Variants in CACHD1 observed in about 807,000 individuals in gnomAD.
CACHD1 encodes cache domain containing 1.
CACHD1 carries 71 observed loss-of-function variants against 138.7 expected under a neutral mutation model. The observed-to-expected ratio is 0.51, with a 90% CI of 0.42 to 0.62. The LOEUF (loss-of-function observed/expected upper bound fraction) is 0.62. Among genes scored for constraint, CACHD1 ranks in the 20% least tolerant of loss-of-function variants. The pLI, the probability that CACHD1 is intolerant of heterozygous loss-of-function variation, is 0.00. For synonymous variants in CACHD1, 578 were observed against 591.5 expected (o/e 0.98, Z 0.33); for missense variants, 1,389 against 1,625.3 (o/e 0.85, Z 2.50).
chr1:64,661,497 T>G (rs982433681), intron 13 of CACHD1, among the ~76,000 whole-genome samples: 13 of 152,164 alleles, frequency 8.5e-5, no homozygotes, highest in Non-Finnish European at 1.8e-4. Context: ...CTTCTTCTCT[T>G]TACTCCAGCC....
Position 64,647,908 on chromosome 1 carries a change from A to G in CACHD1, c.1264A>G (p.Ser422Gly). ...GATGGCCTTGCCTGTGATTAAGGGC[A>G]GCATGATGGTGCTGAATCAGTTGAG... is the stretch of plus-strand genomic sequence containing the variant. ...DRMALPVIKG[S>G]MMVLNQLSNL... The change falls in exon 9 of 27, where the codon AGC becomes GGC. Residue 422 changes from serine to glycine, a missense_variant. This residue lies in a region of CACHD1 where 1,000 missense variants were observed against 1,114.7 expected (regional missense o/e 0.90). Transcript: ENST00000651257. The G allele has an allele frequency of 1.2e-6, 2 of 1,614,198 alleles. No individual in the cohort carries two copies. The highest frequency in any genetic ancestry group is 1.7e-6 in the Non-Finnish European group (2 of 1,180,006).
chr1:64,551,627 T>C (rs1646759741), intron 2 of CACHD1, among the ~76,000 whole-genome samples: 1 of 152,220 alleles, frequency 6.6e-6, no homozygotes, highest in African/African-American at 2.4e-5. Context: ...ATTATGTTCA[T>C]GGAGAACAGC....
intron 1 of CACHD1, among the ~76,000 whole-genome samples, chr1:64,544,578 G>A (rs1646703885): frequency 6.6e-6 from 1 of 151,878 alleles, no homozygotes; most frequent in African/African-American, 2.4e-5. Flanking sequence ...GGGGAAAGCA[G>A]GCTACCCATG....
chr1:64,668,289 T>C (rs975496193), intron 16 of CACHD1, among the ~76,000 whole-genome samples: 1 of 146,920 alleles, frequency 6.8e-6, no homozygotes, highest in African/African-American at 2.5e-5. Flanking sequence ...ATCGTACCAC[T>C]GCACTCCAGC....
At chr1:64,507,623 T>C (rs562232368) in intron 1 of CACHD1, among the ~76,000 whole-genome samples, 1 of 152,048 alleles carries the variant, frequency 6.6e-6, no homozygotes, top group South Asian at 2.1e-4. Flanking sequence ...GCCCAGGAGA[T>C]AGAGAATGTG....
chr1:64,665,286 C>T (rs1649592928), intron 15 of CACHD1, among the ~76,000 whole-genome samples: 1 of 151,250 alleles, frequency 6.6e-6, no homozygotes, highest in Non-Finnish European at 1.5e-5. Context: ...GAAACCCCAT[C>T]TCTACAAAAA....
chr1:64,583,421 G>A (rs1047026430), intron 3 of CACHD1, among the ~76,000 whole-genome samples: 1 of 152,194 alleles, frequency 6.6e-6, no homozygotes, highest in African/African-American at 2.4e-5. Flanking sequence ...GATATTTGGT[G>A]TCTTTGAGCA....
intron 2 of CACHD1, among the ~76,000 whole-genome samples, chr1:64,556,987 C>T (rs774005982): frequency 2.6e-5 from 4 of 152,102 alleles, no homozygotes; most frequent in South Asian, 2.1e-4. Context: ...GGCGTGGTGG[C>T]GGGCGCCTGT....
intron 22 of CACHD1, among the ~76,000 whole-genome samples, chr1:64,677,682 A>G (rs1650041776): frequency 6.6e-6 from 1 of 152,234 alleles, no homozygotes. Context: ...GACACTGCAT[A>G]TATTCTCTTG....
At chr1:64,624,084 C>T (rs1648013081) in intron 4 of CACHD1, among the ~76,000 whole-genome samples, 1 of 152,176 alleles carries the variant, frequency 6.6e-6, no homozygotes, top group South Asian at 2.1e-4. Context: ...AGAGGGGCCG[C>T]CTGGGATGCA....
At chr1:64,671,421 T>A in intron 16 of CACHD1, 143 bp from the exon 17 acceptor site, 1 of 831,042 alleles carries the variant, frequency 1.2e-6, no homozygotes, top group East Asian at 2.5e-5. Context: ...AGTCACTTAG[T>A]TGATCATTTT....
intron 3 of CACHD1, among the ~76,000 whole-genome samples, chr1:64,600,363 A>G (rs1647200640): frequency 6.6e-6 from 1 of 152,128 alleles, no homozygotes; most frequent in Admixed American, 6.6e-5. Flanking sequence ...CTCACCCCAG[A>G]CTCACTAAAT....
At chr1:64,605,535 G>A (rs1007289637) in intron 4 of CACHD1, among the ~76,000 whole-genome samples, 6 of 152,068 alleles carry the variant, frequency 3.9e-5, no homozygotes, top group Non-Finnish European at 7.4e-5. Flanking sequence ...CTTCCTTAAC[G>A]TATTTCTGAT....
chr1:64,659,016 G>A (rs11208491), intron 13 of CACHD1, 143 bp downstream of exon 13: 16 of 680,698 alleles, frequency 2.4e-5, no homozygotes, highest in Non-Finnish European at 3.4e-5. Context: ...ATATGAAAAC[G>A]ATTTGAAGCC....
intron 1 of CACHD1, among the ~76,000 whole-genome samples, chr1:64,479,198 A>G (rs1355712140): frequency 6.6e-6 from 1 of 152,202 alleles, no homozygotes; most frequent in Admixed American, 6.5e-5. Context: ...TTGCTTTGAG[A>G]TATGAGCTTG....
intron 4 of CACHD1, among the ~76,000 whole-genome samples, chr1:64,605,819 A>C (rs1234897850): frequency 1.3e-5 from 2 of 152,150 alleles, no homozygotes; most frequent in African/African-American, 2.4e-5. Flanking sequence ...CATTGTTGAG[A>C]TCTGGCTTCA....
intron 17 of CACHD1, among the ~76,000 whole-genome samples, chr1:64,672,309 A>C (rs1649842664): frequency 6.6e-6 from 1 of 152,232 alleles, no homozygotes; most frequent in Admixed American, 6.5e-5. Context: ...AGTAAAATAA[A>C]GCAAAATATA....
chr1:64,526,372 C>G (rs1055951856), intron 1 of CACHD1, among the ~76,000 whole-genome samples: 2 of 151,704 alleles, frequency 1.3e-5, no homozygotes, highest in Non-Finnish European at 2.9e-5. Context: ...ATCTGTGGGG[C>G]CATTAGGACT....
chr1:64,654,380 T>G (rs1005520991), intron 11 of CACHD1, among the ~76,000 whole-genome samples: 1 of 152,184 alleles, frequency 6.6e-6, no homozygotes, highest in African/African-American at 2.4e-5. Context: ...GATGGTAACC[T>G]GTAGAGGAAT....
Sources: allele counts gnomAD v4.1 joint callset (sites outside exome capture counted in the v4.1 genomes callset), GRCh38; gene constraint gnomAD v4.1.1; regional missense constraint gnomAD v4.1.1; transcripts MANE v1.5; gene names NCBI Gene and HGNC (gene_info 2026-07-23, HGNC 2026-07-21).